Variants in NMNAT2 observed in about 807,000 individuals in gnomAD.
NMNAT2 encodes nicotinamide/nicotinic acid mononucleotide adenylyltransferase 2.
NMNAT2 carries 11 observed loss-of-function variants against 41.6 expected under a neutral mutation model. That is an observed-to-expected ratio of 0.26 (90% CI 0.17 to 0.44). The LOEUF (loss-of-function observed/expected upper bound fraction) is 0.44. Ranked by LOEUF, NMNAT2 falls within the 20% of genes least tolerant of loss-of-function variation. The probability of loss-of-function intolerance (pLI) is 1.00; values close to 1 mark genes in which losing one functional copy is unlikely to be tolerated. For missense variants in NMNAT2, 288 were observed against 407.7 expected, an observed-to-expected ratio of 0.71 and a Z score of 2.53; for synonymous variants, 148 against 151.2, an observed-to-expected ratio of 0.98 and a Z score of 0.16.
At chr1:183,321,265 C>T (rs1380565472) in intron 1 of NMNAT2, among the ~76,000 whole-genome samples, 1 of 152,142 alleles carries the variant, frequency 6.6e-6, no homozygotes, top group Non-Finnish European at 1.5e-5. Flanking sequence ...TTTACTCTTT[C>T]CTTTATTATG....
chr1:183,339,855 G>A (rs1037320015), intron 1 of NMNAT2, among the ~76,000 whole-genome samples: 1 of 152,128 alleles, frequency 6.6e-6, no homozygotes, highest in Non-Finnish European at 1.5e-5. Flanking sequence ...AGCTATGTCT[G>A]CCTCAGGTGG....
At chr1:183,375,153 A>G (rs1663647717) in intron 1 of NMNAT2, among the ~76,000 whole-genome samples, 1 of 152,148 alleles carries the variant, frequency 6.6e-6, no homozygotes, top group Admixed American at 6.5e-5. Flanking sequence ...TTTGTCCTCC[A>G]CAGACCTGCC....
chr1:183,279,163 C>T (rs1192908241), intron 7 of NMNAT2, among the ~76,000 whole-genome samples: 1 of 152,116 alleles, frequency 6.6e-6, no homozygotes, highest in Non-Finnish European at 1.5e-5. Context: ...CCACTGTCCC[C>T]AGCAAAGGGC....
intron 1 of NMNAT2, among the ~76,000 whole-genome samples, chr1:183,417,896 T>A (rs1450048726): frequency 6.6e-6 from 1 of 151,896 alleles, no homozygotes; most frequent in African/African-American, 2.4e-5. Flanking sequence ...TTCTGGTATC[T>A]CGAACCCCTG....
In NMNAT2 at chr1:183,293,722, C is replaced by G. The variant is rs758481682; in HGVS notation, c.157G>C (p.Asp53His). The G allele has an allele frequency of 6.2e-7, 1 of 1,613,584 alleles. No homozygotes were observed. Among genetic ancestry groups the G allele is most frequent in the South Asian group, 1.1e-5 (1 of 91,058 alleles). The change falls in exon 2 of 11, where the codon GAC (aspartate) becomes CAC (histidine). Residue 53 changes from aspartate to histidine, a missense_variant. Asp to His is a moderately conservative substitution (Grantham distance 81). Around this residue, in one of 3 missense-constraint regions of NMNAT2, gnomAD observed 100 missense variants for 168.5 expected, o/e 0.59. Coordinates refer to ENST00000287713, the MANE Select transcript of NMNAT2 (RefSeq NM_015039.4). ...VIGGIVSPVH[D>H]SYGKQGLVSS... ...GAACCCACCTGTTTTCCATAGGAGT[C>G]GTGGACAGGGGAGACAATCCCGCCA... is the stretch of plus-strand genomic sequence containing the variant.
intron 4 of NMNAT2, among the ~76,000 whole-genome samples, chr1:183,288,395 G>C (rs1039953753): frequency 6.6e-6 from 1 of 152,176 alleles, no homozygotes; most frequent in African/African-American, 2.4e-5. Context: ...GAGTTCTTAG[G>C]AAGCAGCTCC....
intron 1 of NMNAT2, among the ~76,000 whole-genome samples, chr1:183,384,190 C>T (rs190183314): frequency 6.7e-6 from 1 of 148,894 alleles, no homozygotes; most frequent in African/African-American, 2.6e-5. Flanking sequence ...AACAAGGAGG[C>T]GCTACACACT....
intron 1 of NMNAT2, among the ~76,000 whole-genome samples, chr1:183,333,071 A>G (rs1005283125): frequency 2.0e-5 from 3 of 152,122 alleles, no homozygotes; most frequent in Non-Finnish European, 4.4e-5. Context: ...CCCATTGGAA[A>G]ACCCCATAGA....
At chr1:183,293,959 A>C (rs2102310383) in intron 1 of NMNAT2, among the ~76,000 whole-genome samples, 166 bp from the exon 2 acceptor site, 1 of 152,330 alleles carries the variant, frequency 6.6e-6, no homozygotes, top group Middle Eastern at 3.4e-3. Context: ...GTGATTCAAA[A>C]GGTTACAGAA....
At chr1:183,351,306 C>G (rs1385109491) in intron 1 of NMNAT2, among the ~76,000 whole-genome samples, 1 of 152,226 alleles carries the variant, frequency 6.6e-6, no homozygotes, top group Non-Finnish European at 1.5e-5. Context: ...CAACCTTCCC[C>G]TTACAATTCT....
chr1:183,342,908 T>C (rs899300799), intron 1 of NMNAT2, among the ~76,000 whole-genome samples: 24 of 151,072 alleles, frequency 1.6e-4, no homozygotes, highest in Non-Finnish European at 2.9e-4. Context: ...TAATTATTAT[T>C]ATTATTATTA....
chr1:183,324,225 C>A (rs1662412953), intron 1 of NMNAT2, among the ~76,000 whole-genome samples: 1 of 152,134 alleles, frequency 6.6e-6, no homozygotes, highest in Non-Finnish European at 1.5e-5. Context: ...GACACACAAG[C>A]CCCTTGGAAT....
At chr1:183,307,886 C>T (rs749687416) in intron 1 of NMNAT2, among the ~76,000 whole-genome samples, 6 of 152,150 alleles carry the variant, frequency 3.9e-5, no homozygotes, top group South Asian at 2.1e-4. Flanking sequence ...CTGGCCCAAA[C>T]GAAGTATTCT....
chr1:183,271,760 T>C (rs1660993072), intron 8 of NMNAT2, among the ~76,000 whole-genome samples: 1 of 149,138 alleles, frequency 6.7e-6, no homozygotes. Flanking sequence ...TATTTTTTTC[T>C]TTTTTTTTTG....
In NMNAT2 at chr1:183,290,358, C is replaced by T. The variant is rs568297986; in HGVS notation, c.243-152G>A. On this transcript the variant is annotated intron_variant, in intron 3 of 10. Transcript: ENST00000287713. The stretch of plus-strand genomic sequence containing the variant: ...TCAGATAAAACCTGGGTGTGAAACA[C>T]TCTTCTGAGCTTCAGTTTCCTCCTC... 6.8e-6 allele frequency: 4 copies of T among 591,004 alleles called. No homozygotes were observed. In the South Asian group the frequency reaches 9.0e-5, roughly 13 times the overall value. 36.6% of individuals were successfully genotyped at this position (591,004 alleles called of 1,614,324 possible). A position where few individuals can be genotyped will look rare whatever the true frequency, so the allele number is the denominator to read the frequency against.
chr1:183,325,283 G>A (rs1215868704), intron 1 of NMNAT2, among the ~76,000 whole-genome samples: 1 of 152,210 alleles, frequency 6.6e-6, no homozygotes, highest in Non-Finnish European at 1.5e-5. Context: ...AATCTTCCTT[G>A]CACATTTCAC....
chr1:183,263,806 T>A (rs1036278583), intron 8 of NMNAT2, among the ~76,000 whole-genome samples: 2 of 29,144 alleles, frequency 6.9e-5, no homozygotes, highest in East Asian at 2.8e-3. Flanking sequence ...AGACTCTGTC[T>A]CAAAAACAAA....
intron 1 of NMNAT2, among the ~76,000 whole-genome samples, chr1:183,347,120 A>C (rs1662947546): frequency 6.6e-6 from 1 of 152,170 alleles, no homozygotes; most frequent in Non-Finnish European, 1.5e-5. Flanking sequence ...ACTACTATAG[A>C]GAACAAACTC....
intron 1 of NMNAT2, among the ~76,000 whole-genome samples, chr1:183,382,098 G>A (rs1368669934): frequency 6.6e-6 from 1 of 152,232 alleles, no homozygotes; most frequent in Non-Finnish European, 1.5e-5. Flanking sequence ...ATGCTGCACA[G>A]CAAGCCTGAC....
Sources: allele counts gnomAD v4.1 joint callset (sites outside exome capture counted in the v4.1 genomes callset), GRCh38; gene constraint gnomAD v4.1.1; regional missense constraint gnomAD v4.1.1; transcripts MANE v1.5; gene names NCBI Gene and HGNC (gene_info 2026-07-23, HGNC 2026-07-21).